The following CGNL1 variants were observed in gnomAD, a reference collection of about 807,000 sequenced individuals.
CGNL1 encodes cingulin-like protein 1.
In CGNL1, 132 loss-of-function variants were observed where a neutral mutation model predicts 141.2. The ratio of observed to expected loss-of-function variants is 0.93; its 90% CI spans 0.81 to 1.08. CGNL1 has a LOEUF of 1.08. CGNL1 is among the 50% of genes least tolerant of loss of function. The pLI, the probability that CGNL1 is intolerant of heterozygous loss-of-function variation, is 0.00. For synonymous variants in CGNL1, 690 were observed against 622.1 expected (o/e 1.11, Z -1.63); for missense variants, 1,870 against 1,588.6 (o/e 1.18, Z -3.01).
At chr15:57,388,546 G>A (rs2062508769) in intron 1 of CGNL1, among the ~76,000 whole-genome samples, 1 of 152,224 alleles carries the variant, frequency 6.6e-6, no homozygotes, top group African/African-American at 2.4e-5. Context: ...AGAGGTAGCT[G>A]TAGATATGTG....
intron 10 of CGNL1, among the ~76,000 whole-genome samples, chr15:57,519,678 G>A (rs1352683481): frequency 6.6e-6 from 1 of 152,130 alleles, no homozygotes; most frequent in East Asian, 1.9e-4. Flanking sequence ...CACTTTTGCT[G>A]TGCTGCTGTT....
chr15:57,494,611 C>T (rs2063911472), intron 8 of CGNL1, among the ~76,000 whole-genome samples: 1 of 152,180 alleles, frequency 6.6e-6, no homozygotes. Context: ...CATGAACTTT[C>T]TGTTCTTTCT....
Position 57,442,358 on chromosome 15 carries a change from C to T in CGNL1, c.1698-15C>T. ...GTTGTGTCCCTCATTGTTTTCTCTG[C>T]TGTCCCTTTTTCAGAAGCACTGATA... is the stretch of plus-strand genomic sequence containing the variant. On this transcript the variant is annotated splice_polypyrimidine_tract_variant and intron_variant, in intron 3 of 18. Transcript: ENST00000281282. The T allele has an allele frequency of 6.5e-7, 1 of 1,546,940 alleles. No homozygotes were observed. Among genetic ancestry groups the T allele is most frequent in the Non-Finnish European group, 8.9e-7 (1 of 1,119,708 alleles).
At chr15:57,544,685 C>A in intron 16 of CGNL1, 88 bp downstream of exon 16, 2 of 1,472,438 alleles carry the variant, frequency 1.4e-6, no homozygotes, top group Non-Finnish European at 9.2e-7. Context: ...GGGATCTGTC[C>A]TGATCCTCGT....
intron 14 of CGNL1, among the ~76,000 whole-genome samples, chr15:57,539,810 T>C (rs78111050): frequency 0.11 from 16,276 of 152,236 alleles, 1,452 homozygotes; most frequent in East Asian, 0.45. Context: ...CTTTATATAT[T>C]GCTCCTTGGT....
chr15:57,482,212 C>G (rs1277236323), intron 8 of CGNL1, among the ~76,000 whole-genome samples: 1 of 151,996 alleles, frequency 6.6e-6, no homozygotes, highest in Admixed American at 6.5e-5. Flanking sequence ...TTCTTCCAAT[C>G]TCTAGTAAAA....
At chr15:57,461,606 C>A (rs2063447063) in intron 7 of CGNL1, 74 bp from the exon 8 acceptor site, 3 of 1,279,930 alleles carry the variant, frequency 2.3e-6, no homozygotes, top group African/African-American at 2.9e-5. Flanking sequence ...GGGGACTGAA[C>A]TGGAGGGGAG....
At chr15:57,514,334 T>C (rs2030592810) in intron 8 of CGNL1, among the ~76,000 whole-genome samples, 1 of 152,100 alleles carries the variant, frequency 6.6e-6, no homozygotes. Context: ...GTATTTTTAG[T>C]AGAGATGGGG....
chr15:57,470,522 T>G (rs1349999680), intron 8 of CGNL1, among the ~76,000 whole-genome samples: 1 of 152,094 alleles, frequency 6.6e-6, no homozygotes, highest in Non-Finnish European at 1.5e-5. Flanking sequence ...CCATGAGGGA[T>G]AAACAGAGCA....
intron 1 of CGNL1, among the ~76,000 whole-genome samples, chr15:57,431,259 T>A (rs2152296214): frequency 6.6e-6 from 1 of 152,358 alleles, no homozygotes; most frequent in Admixed American, 6.5e-5. Context: ...AGAGAGCAAC[T>A]CTGCTTTCAT....
chr15:57,474,242 A>G (rs550158705), intron 8 of CGNL1, among the ~76,000 whole-genome samples: 11 of 151,998 alleles, frequency 7.2e-5, no homozygotes, highest in Admixed American at 7.2e-4. Context: ...TTACCCTCAG[A>G]AACTTTGTGA....
chr15:57,417,607 C>T (rs1471377478), intron 1 of CGNL1, among the ~76,000 whole-genome samples: 4 of 145,140 alleles, frequency 2.8e-5, no homozygotes, highest in Admixed American at 1.4e-4. Flanking sequence ...TGAAATAGTG[C>T]TTTTTTTTTT....
chr15:57,432,375 G>C (rs1242875626), intron 1 of CGNL1, among the ~76,000 whole-genome samples: 1 of 152,208 alleles, frequency 6.6e-6, no homozygotes, highest in Non-Finnish European at 1.5e-5. Context: ...GGCCCAGAGA[G>C]AGGAAATGTT....
intron 14 of CGNL1, among the ~76,000 whole-genome samples, chr15:57,533,796 G>GTGGT (rs2032094924): frequency 6.6e-6 from 1 of 152,214 alleles, no homozygotes; most frequent in South Asian, 2.1e-4. Context: ...TGTCCATGAT[G>GTGGT]TGGTCAAGGC....
intron 1 of CGNL1, among the ~76,000 whole-genome samples, chr15:57,404,388 G>A (rs1262301349): frequency 1.3e-5 from 2 of 152,204 alleles, no homozygotes; most frequent in Non-Finnish European, 1.5e-5. Flanking sequence ...ATATTTTCAA[G>A]TGAAGAATGC....
Position 57,439,420 on chromosome 15 carries a change from A to T in CGNL1, c.1421A>T (p.Glu474Val). 1 of 1,614,168 alleles carries T rather than the reference A, an allele frequency of 6.2e-7. No homozygotes were observed. The highest frequency in any genetic ancestry group is 8.5e-7 in the Non-Finnish European group (1 of 1,180,028). The change falls in exon 2 of 19, where the codon GAA (glutamate) becomes GTA (valine). Residue 474 changes from glutamate to valine, a missense_variant. Transcript: ENST00000281282. ...PNIDGKVLET[E>V]GSQESTVIRA... ...ATAGATGGGAAAGTTCTGGAAACCGAAGGTAGTCAGGAAAGTACAGTGATC... is the reference window on the plus strand; with the variant it reads ...ATAGATGGGAAAGTTCTGGAAACCGTAGGTAGTCAGGAAAGTACAGTGATC...
In CGNL1 at chr15:57,447,224, A is replaced by G. The variant is rs182153370; in HGVS notation, c.1804-4276A>G. Among the ~76,000 whole-genome samples the G allele has an allele frequency of 2.6e-5, 4 of 152,312 alleles. No homozygotes were observed. In the South Asian group the frequency reaches 6.2e-4, roughly 24 times the overall value. On this transcript the variant is annotated intron_variant, in intron 4 of 18. Transcript: ENST00000281282. ...CATTTTTGTTAGAGAGGTCTCGCACATCTTTCATTTAGATGTAGTCCCTTT... is the reference window on the plus strand; with the variant it reads ...CATTTTTGTTAGAGAGGTCTCGCACGTCTTTCATTTAGATGTAGTCCCTTT...
At chr15:57,521,411 C>T (rs1006650771) in intron 10 of CGNL1, among the ~76,000 whole-genome samples, 3 of 152,116 alleles carry the variant, frequency 2.0e-5, no homozygotes, top group Non-Finnish European at 4.4e-5. Flanking sequence ...CCCATCCTTG[C>T]TTGGTGATTC....
intron 1 of CGNL1, among the ~76,000 whole-genome samples, chr15:57,395,302 C>G (rs2062590609): frequency 6.6e-6 from 1 of 152,222 alleles, no homozygotes; most frequent in African/African-American, 2.4e-5. Flanking sequence ...GTCCTCAATT[C>G]AACATGAGTG....
Sources: allele counts gnomAD v4.1 joint callset (sites outside exome capture counted in the v4.1 genomes callset), GRCh38; gene constraint gnomAD v4.1.1; transcripts MANE v1.5; gene names NCBI Gene and HGNC (gene_info 2026-07-23, HGNC 2026-07-21).